The following LRRIQ1 variants were observed in gnomAD, a reference collection of about 807,000 sequenced individuals.
LRRIQ1 encodes the protein leucine-rich repeat- and IQ domain-containing protein 1.
A neutral mutation model predicts 211.9 loss-of-function variants in LRRIQ1; 210 were observed. The observed-to-expected ratio is 0.99, with a 90% CI of 0.89 to 1.11. The LOEUF (loss-of-function observed/expected upper bound fraction) is 1.11. Ranked by LOEUF, LRRIQ1 falls within the 50% of genes most tolerant of loss-of-function variation. The pLI is 0.00. For missense variants in LRRIQ1, 2,136 were observed against 1,939.5 expected, an observed-to-expected ratio of 1.10 and a Z score of -1.90; for synonymous variants, 699 against 650.1, an observed-to-expected ratio of 1.08 and a Z score of -1.14.
chr12:85,158,112 C>T (rs1890658512), intron 23 of LRRIQ1, among the ~76,000 whole-genome samples: 1 of 151,572 alleles, frequency 6.6e-6, no homozygotes, highest in South Asian at 2.1e-4. Flanking sequence ...TGCTCTCAAC[C>T]ACAAAAAATT....
chr12:85,213,038 T>C (rs906533221), intron 24 of LRRIQ1, among the ~76,000 whole-genome samples: 3 of 151,236 alleles, frequency 2.0e-5, no homozygotes, highest in Admixed American at 2.0e-4. Context: ...TACATATAAA[T>C]GATTAAATAG....
chr12:85,113,938 T>TGTGTGTGTGA (rs1887375972), intron 15 of LRRIQ1, among the ~76,000 whole-genome samples: 1 of 151,522 alleles, frequency 6.6e-6, no homozygotes, highest in Non-Finnish European at 1.5e-5. Flanking sequence ...TGTGTGTGTG[T>TGTGTGTGTGA]GTGTGTGTGA....
intron 11 of LRRIQ1, among the ~76,000 whole-genome samples, chr12:85,096,110 A>G (rs549439899): frequency 6.6e-6 from 1 of 152,220 alleles, no homozygotes; most frequent in Non-Finnish European, 1.5e-5. Context: ...TCAAAGAAAG[A>G]GCTTTCAATT....
chr12:85,062,325 G>T lies in LRRIQ1; in HGVS notation c.2392-2937G>T, dbSNP rs749777158. On this transcript the variant is annotated intron_variant, in intron 8 of 26. Coordinates refer to ENST00000393217, the MANE Select transcript of LRRIQ1 (RefSeq NM_001079910.2). The stretch of plus-strand genomic sequence containing the variant: ...AGGTAGTGAGCATAGTACCCAGTAG[G>T]TAGTTTTTCGACTCTTGTCCCCTTC... Among the ~76,000 whole-genome samples, 3 of 151,742 alleles carry T rather than the reference G, an allele frequency of 2.0e-5. No individual in the cohort carries two copies. In the South Asian group the frequency reaches 6.2e-4, roughly 31 times the overall value.
In LRRIQ1 at chr12:85,138,039, C is replaced by A. The variant is rs1889263161; in HGVS notation, c.4329+70C>A. 6.2e-6 allele frequency: 6 copies of A among 963,432 alleles called. No homozygotes were observed. In the Admixed American group the frequency reaches 1.1e-4, roughly 17 times the overall value. 59.7% of individuals were successfully genotyped at this position (963,432 alleles called of 1,614,324 possible). ...TAAGTGTACTATTTTGAAGATAAAC[C>A]AGTTTCTAAGGTGTTTATCCTATTA... On this transcript the variant is annotated intron_variant, in intron 19 of 26. Transcript: ENST00000393217.
intron 11 of LRRIQ1, among the ~76,000 whole-genome samples, chr12:85,079,144 A>T (rs561748241): frequency 6.6e-6 from 1 of 152,206 alleles, no homozygotes; most frequent in South Asian, 2.1e-4. Flanking sequence ...TTATTATGAA[A>T]GCAGTACTGA....
At chr12:85,079,384 C>T (rs568562907) in intron 11 of LRRIQ1, among the ~76,000 whole-genome samples, 3 of 151,266 alleles carry the variant, frequency 2.0e-5, no homozygotes, top group East Asian at 2.0e-4. Context: ...CCACCATGCC[C>T]GGCTAATTTT....
At chr12:85,211,977 A>G (rs184792623) in intron 24 of LRRIQ1, among the ~76,000 whole-genome samples, 1 of 152,304 alleles carries the variant, frequency 6.6e-6, no homozygotes, top group East Asian at 1.9e-4. Context: ...AAGGTTTAAA[A>G]AAATGGGGGC....
chr12:85,050,562 C>A (rs9804725), intron 6 of LRRIQ1, among the ~76,000 whole-genome samples: 35,986 of 151,918 alleles, frequency 0.24, 4,884 homozygotes, highest in African/African-American at 0.34. Context: ...ATGTTTTATT[C>A]TTCCTTCTTT....
intron 11 of LRRIQ1, among the ~76,000 whole-genome samples, chr12:85,084,151 A>G (rs960754795): frequency 2.6e-5 from 4 of 152,172 alleles, no homozygotes; most frequent in African/African-American, 9.6e-5. Flanking sequence ...CTTACATATA[A>G]CATTCTATGC....
chr12:85,169,123 C>G (rs1891289165), intron 24 of LRRIQ1, among the ~76,000 whole-genome samples: 1 of 152,182 alleles, frequency 6.6e-6, no homozygotes, highest in African/African-American at 2.4e-5. Context: ...TAATGACATT[C>G]TCACAAGCAG....
chr12:85,210,629 T>C (rs1344399695), intron 24 of LRRIQ1, among the ~76,000 whole-genome samples: 1 of 152,166 alleles, frequency 6.6e-6, no homozygotes, highest in East Asian at 1.9e-4. Flanking sequence ...TAGTCGGAAT[T>C]CTAATAGAAG....
At chr12:85,156,243 T>G (rs1890537277) in intron 23 of LRRIQ1, among the ~76,000 whole-genome samples, 1 of 151,792 alleles carries the variant, frequency 6.6e-6, no homozygotes, top group Non-Finnish European at 1.5e-5. Context: ...ACATTTTATG[T>G]TTAAAACATG....
intron 26 of LRRIQ1, among the ~76,000 whole-genome samples, chr12:85,233,834 A>G (rs1895060798): frequency 6.6e-6 from 1 of 152,170 alleles, no homozygotes; most frequent in South Asian, 2.1e-4. Flanking sequence ...CATTAACACT[A>G]CACATATTAT....
At chr12:85,051,521 C>G (rs1171138908) in intron 6 of LRRIQ1, among the ~76,000 whole-genome samples, 1 of 152,146 alleles carries the variant, frequency 6.6e-6, no homozygotes. Context: ...AAAAATGTTT[C>G]TCTTCTTGAA....
At chr12:85,064,623 A>G (rs1055112191) in intron 8 of LRRIQ1, among the ~76,000 whole-genome samples, 1 of 151,738 alleles carries the variant, frequency 6.6e-6, no homozygotes, top group Non-Finnish European at 1.5e-5. Flanking sequence ...AGTTTCCCCA[A>G]TTAAAAAAAT....
At chr12:85,217,466 G>GTA (rs1176544778) in intron 24 of LRRIQ1, among the ~76,000 whole-genome samples, 3,767 of 66,768 alleles carry the variant, frequency 0.056, 214 homozygotes, top group East Asian at 0.23. Flanking sequence ...GGGACCTGAA[G>GTA]TATATATATA....
intron 8 of LRRIQ1, among the ~76,000 whole-genome samples, chr12:85,061,451 A>G (rs986083734): frequency 4.0e-5 from 6 of 151,754 alleles, no homozygotes; most frequent in African/African-American, 1.4e-4. Flanking sequence ...AGCTCCTCAT[A>G]TTCAAAAGTA....
chr12:85,116,514 AG>A (rs137957385), intron 15 of LRRIQ1, among the ~76,000 whole-genome samples: 4,172 of 152,256 alleles, frequency 0.027, 188 homozygotes, highest in African/African-American at 0.095. Context: ...ACCTATCAGC[AG>A]GGTTATTTCA....
Sources: allele counts gnomAD v4.1 joint callset (sites outside exome capture counted in the v4.1 genomes callset), GRCh38; gene constraint gnomAD v4.1.1; transcripts MANE v1.5; gene names NCBI Gene and HGNC (gene_info 2026-07-23, HGNC 2026-07-21).